DISP1: variants seen among roughly 807,000 people sequenced by gnomAD.
DISP1 encodes dispatched RND transporter family member 1, also known as protein dispatched homolog 1.
In DISP1, 30 loss-of-function variants were observed where a neutral mutation model predicts 37.3. The ratio of observed to expected loss-of-function variants is 0.80; its 90% CI spans 0.60 to 1.09. DISP1 has a LOEUF of 1.09. Ranked by LOEUF, DISP1 falls within the 50% of genes least tolerant of loss-of-function variation. The pLI is 0.00. For synonymous variants in DISP1, 634 were observed against 690.2 expected (o/e 0.92, Z 1.28); for missense variants, 1,598 against 1,879.5 (o/e 0.85, Z 2.77).
chr1:222,952,652 C>T (rs1675307687), intron 3 of DISP1, among the ~76,000 whole-genome samples: 2 of 152,096 alleles, frequency 1.3e-5, no homozygotes, highest in Admixed American at 1.3e-4. Context: ...GAGATTGAGA[C>T]CATCCTGGCC....
chr1:222,940,448 A>G (rs1381257655), intron 2 of DISP1, among the ~76,000 whole-genome samples: 1 of 152,142 alleles, frequency 6.6e-6, no homozygotes, highest in African/African-American at 2.4e-5. Context: ...CCCACCTCCA[A>G]CACTGAGGAT....
intron 3 of DISP1, among the ~76,000 whole-genome samples, chr1:222,977,534 CT>C (rs35860006): frequency 0.76 from 100,308 of 132,264 alleles, 38,258 homozygotes; most frequent in Non-Finnish European, 0.84. Flanking sequence ...TTTTTAAATT[CT>C]TTTTTTTTTT....
chr1:222,942,665 A>G (rs1413419031), intron 2 of DISP1, 142 bp from the exon 3 acceptor site: 5 of 917,552 alleles, frequency 5.4e-6, no homozygotes, highest in Non-Finnish European at 8.4e-6. Context: ...TCCATCACAG[A>G]TGCTGCGGAA....
At chr1:222,869,294 A>G (rs970337809) in intron 1 of DISP1, among the ~76,000 whole-genome samples, 2 of 152,210 alleles carry the variant, frequency 1.3e-5, no homozygotes, top group African/African-American at 4.8e-5. Flanking sequence ...TGTTAGTCAT[A>G]GATTTCACAT....
intron 1 of DISP1, among the ~76,000 whole-genome samples, chr1:222,881,613 A>G (rs945118398): frequency 2.0e-5 from 3 of 152,160 alleles, no homozygotes; most frequent in Non-Finnish European, 2.9e-5. Flanking sequence ...TTCTCTTTAC[A>G]TTGTGAGGTA....
chr1:222,931,811 C>T (rs1185252640), intron 2 of DISP1, among the ~76,000 whole-genome samples: 1 of 151,264 alleles, frequency 6.6e-6, no homozygotes, highest in Non-Finnish European at 1.5e-5. Flanking sequence ...GTTAAATAAA[C>T]TCATTAGTCA....
intron 1 of DISP1, among the ~76,000 whole-genome samples, chr1:222,829,900 C>T (rs2125221454): frequency 6.6e-6 from 1 of 152,128 alleles, no homozygotes; most frequent in Middle Eastern, 3.4e-3. Context: ...AGATGCTTAA[C>T]CCACATTTTT....
chr1:222,846,621 G>A (rs1268240574), intron 1 of DISP1, among the ~76,000 whole-genome samples: 1 of 152,226 alleles, frequency 6.6e-6, no homozygotes. Flanking sequence ...TGAATTGGAT[G>A]GGGAGTGAGC....
At chr1:222,876,295 A>G (rs1255904256) in intron 1 of DISP1, among the ~76,000 whole-genome samples, 2 of 152,194 alleles carry the variant, frequency 1.3e-5, no homozygotes, top group Non-Finnish European at 2.9e-5. Context: ...CAGCTTCTGG[A>G]GTATATACTG....
At chr1:222,890,803 G>A (rs1670897918) in intron 1 of DISP1, among the ~76,000 whole-genome samples, 1 of 152,100 alleles carries the variant, frequency 6.6e-6, no homozygotes, top group African/African-American at 2.4e-5. Context: ...CTGGTGGTTT[G>A]TTGGAAATCT....
chr1:222,901,162 T>G (rs1671559477), intron 1 of DISP1, among the ~76,000 whole-genome samples: 1 of 152,212 alleles, frequency 6.6e-6, no homozygotes, highest in Non-Finnish European at 1.5e-5. Flanking sequence ...TGATAAGTTG[T>G]GGAAGTTCTC....
intron 3 of DISP1, among the ~76,000 whole-genome samples, chr1:222,979,420 A>T (rs903337646): frequency 2.7e-5 from 4 of 146,888 alleles, no homozygotes; most frequent in African/African-American, 5.0e-5. Flanking sequence ...AAAAAAATTT[A>T]AATTTAAAAA....
In DISP1 at chr1:222,842,070, C is replaced by T. The variant is rs141120711; in HGVS notation, c.-159+26992C>T. Among the ~76,000 whole-genome samples, 219 of 152,068 alleles carry T rather than the reference C, an allele frequency of 1.4e-3. 1 individual carries two copies. The highest frequency in any genetic ancestry group is 5.1e-3 in the African/African-American group (212 of 41,514). On this transcript the variant is annotated intron_variant, in intron 1 of 8. Coordinates refer to ENST00000675850, the MANE Select transcript of DISP1 (RefSeq NM_001377229.1). ...GAACTGGAGTGTTTCTGTTCCTTAC[C>T]TTGTTTAGTGGTCTAGGAAAGAGGT...
intron 3 of DISP1, among the ~76,000 whole-genome samples, chr1:222,947,218 G>A (rs560089203): frequency 3.0e-4 from 46 of 152,088 alleles, no homozygotes; most frequent in Admixed American, 9.2e-4. Context: ...TTGTCTCCAT[G>A]AATTTGACTT....
chr1:223,001,803 G>T (rs1457512319), intron 8 of DISP1, among the ~76,000 whole-genome samples: 1 of 152,148 alleles, frequency 6.6e-6, no homozygotes, highest in Admixed American at 6.5e-5. Flanking sequence ...CTGGGGATTA[G>T]GTTTCAACTT....
chr1:222,882,915 G>A lies in DISP1; in HGVS notation c.-158-45515G>A, dbSNP rs187374117. 9.6e-3 allele frequency among the ~76,000 whole-genome samples: 1,462 copies of A among 152,080 alleles called. 20 individuals are homozygous for A. Among genetic ancestry groups the A allele is most frequent in the African/African-American group, 0.034 (1,399 of 41,520 alleles). The stretch of plus-strand genomic sequence containing the variant: ...AGCTAAAAAAGAAATTTTTGCAAAA[G>A]AAAATTTTCGGAGAGAATCTTGAGA... On this transcript the variant is annotated intron_variant, in intron 1 of 8. Coordinates refer to ENST00000675850, the MANE Select transcript of DISP1 (RefSeq NM_001377229.1).
intron 1 of DISP1, among the ~76,000 whole-genome samples, chr1:222,877,203 C>A (rs1330598365): frequency 6.6e-6 from 1 of 152,090 alleles, no homozygotes; most frequent in East Asian, 1.9e-4. Context: ...TCCAAAATGC[C>A]TTTGTGTTAG....
chr1:222,855,312 G>A (rs76526629), intron 1 of DISP1, among the ~76,000 whole-genome samples: 2,165 of 152,258 alleles, frequency 0.014, 55 homozygotes, highest in African/African-American at 0.05. Context: ...AGTTCCAGGC[G>A]TTGGGAACTA....
rs141213216 is a variant in DISP1, at chr1:222,972,179, C to T, written c.510-10901C>T. Among the ~76,000 whole-genome samples, 308 of 152,022 alleles carry T rather than the reference C, an allele frequency of 2.0e-3. 1 individual carries two copies. The highest frequency in any genetic ancestry group is 6.7e-3 in the African/African-American group (280 of 41,498). On this transcript the variant is annotated intron_variant, in intron 3 of 8. Coordinates refer to ENST00000675850, the MANE Select transcript of DISP1 (RefSeq NM_001377229.1). ...TAACATGCATAGGATATATAAACTT[C>T]GGTTTATCCAAAATGTCACCAGAAT...
Sources: allele counts gnomAD v4.1 joint callset (sites outside exome capture counted in the v4.1 genomes callset), GRCh38; gene constraint gnomAD v4.1.1; transcripts MANE v1.5; gene names NCBI Gene and HGNC (gene_info 2026-07-23, HGNC 2026-07-21).